Variants in NEDD4L observed in about 807,000 individuals in gnomAD.
NEDD4L encodes the protein NEDD4 like E3 ubiquitin protein ligase, also known as E3 ubiquitin-protein ligase NEDD4-like.
In NEDD4L, 54 loss-of-function variants were observed where a neutral mutation model predicts 148.9. That is an observed-to-expected ratio of 0.36 (90% confidence interval 0.29 to 0.45). NEDD4L has a LOEUF of 0.45. NEDD4L is among the 20% of genes least tolerant of loss of function. NEDD4L has a pLI of 1.00. For synonymous variants in NEDD4L, 433 were observed against 440.7 expected (o/e 0.98, Z 0.22); for missense variants, 856 against 1,233.8 (o/e 0.69, Z 4.59).
chr18:58,047,468 T>A, intron 1 of NEDD4L: 1 of 985,470 alleles, frequency 1.0e-6, no homozygotes, highest in Middle Eastern at 5.2e-4. Flanking sequence ...GCTTAGGTGC[T>A]GTTCCTTGCG....
chr18:58,207,268 T>C (rs1181452120), intron 2 of NEDD4L, among the ~76,000 whole-genome samples: 2 of 152,126 alleles, frequency 1.3e-5, no homozygotes, highest in Admixed American at 6.5e-5. Flanking sequence ...ACCAGAGTGC[T>C]GTGTGGGGAT....
At chr18:58,170,294 G>A (rs905590193) in intron 2 of NEDD4L, among the ~76,000 whole-genome samples, 4 of 152,040 alleles carry the variant, frequency 2.6e-5, no homozygotes, top group Non-Finnish European at 4.4e-5. Context: ...GCCCCTGCCC[G>A]CCTCATCACC....
intron 1 of NEDD4L, among the ~76,000 whole-genome samples, chr18:58,068,809 T>G (rs2082732767): frequency 6.6e-6 from 1 of 152,178 alleles, no homozygotes; most frequent in African/African-American, 2.4e-5. Context: ...TGGGGCAAAG[T>G]GGACCCTCCA....
At position 58,370,506 on chromosome 18, in the gene NEDD4L, A is replaced by G. The variant is rs77078423; in HGVS notation, c.2256+39A>G. On this transcript the variant is annotated intron_variant, in intron 23 of 30. Transcript: ENST00000400345. ...CGTCACACACTGGCCATCACCGGGC[A>G]CTCGTGTCTTATGAGAAGGTATTGG... is the stretch of plus-strand genomic sequence containing the variant. 1.0e-3 allele frequency: 1,369 copies of G among 1,345,268 alleles called. 22 individuals carry two copies. In the East Asian group the frequency reaches 0.029, roughly 28 times the overall value. 83.3% of individuals were successfully genotyped at this position (1,345,268 alleles called of 1,614,324 possible). A position where few individuals can be genotyped will look rare whatever the true frequency, so the allele number is the denominator to read the frequency against.
chr18:58,236,832 C>G (rs1018892511), intron 2 of NEDD4L, among the ~76,000 whole-genome samples: 2 of 152,006 alleles, frequency 1.3e-5, no homozygotes, highest in Non-Finnish European at 2.9e-5. Context: ...AAGACTAGCC[C>G]GACCAACATG....
chr18:58,318,776 C>T (rs1376705493), intron 6 of NEDD4L, among the ~76,000 whole-genome samples: 1 of 152,222 alleles, frequency 6.6e-6, no homozygotes, highest in Admixed American at 6.5e-5. Context: ...GCCTGTTGCA[C>T]CTTCCTCTTG....
chr18:58,120,195 C>T (rs1024598520), intron 1 of NEDD4L, among the ~76,000 whole-genome samples: 1 of 152,066 alleles, frequency 6.6e-6, no homozygotes, highest in Non-Finnish European at 1.5e-5. Context: ...AAATCCCTGT[C>T]GAGGCCAGAC....
rs113590486 is a variant in NEDD4L at position 58,070,593 on chromosome 18, C to G, written c.48+25885C>G. Among the ~76,000 whole-genome samples, 838 of 152,192 alleles carry G rather than the reference C, an allele frequency of 5.5e-3. 7 individuals are homozygous for G. Among genetic ancestry groups the G allele is most frequent in the African/African-American group, 0.019 (799 of 41,524 alleles). On this transcript the variant is annotated intron_variant, in intron 1 of 30. Coordinates refer to ENST00000400345, the MANE Select transcript of NEDD4L (RefSeq NM_001144967.3). ...TCTGAGCATTCTGAGAAGGCTCTAC[C>G]TTCTCTGCTGTGGCGATCTTGAGGC...
Position 58,165,769 on chromosome 18 carries a change from T to G in NEDD4L, c.49-19T>G. On this transcript the variant is annotated intron_variant, in intron 1 of 30. Transcript: ENST00000400345. ...GAAGATCAGGTTTTTAACCTCTTTT[T>G]TTGTTCTCCTTCTCACAGGGAGAGT... 4.4e-6 allele frequency: 7 copies of G among 1,603,518 alleles called. No individual in the cohort carries two copies. The highest frequency in any genetic ancestry group is 2.2e-5 in the South Asian group (2 of 89,214).
intron 2 of NEDD4L, chr18:58,221,409 G>A (rs2043752978): frequency 4.1e-6 from 1 of 245,440 alleles, no homozygotes; most frequent in Non-Finnish European, 6.5e-6. Context: ...ATAAGGCCCC[G>A]GGTGATGATG....
Position 58,044,287 on chromosome 18 carries a change from G to T in NEDD4L, c.-374G>T, listed in dbSNP as rs2081474017. On this transcript the variant is annotated 5_prime_UTR_variant, in exon 1 of 31. Transcript: ENST00000400345. ...GGCGAGCCGGGTCCCCGGGAGCGCAGAGGAGGCTCGGAGGGGGGCGGAGAG... is the reference window on the plus strand; with the variant it reads ...GGCGAGCCGGGTCCCCGGGAGCGCATAGGAGGCTCGGAGGGGGGCGGAGAG... 2 of 151,440 alleles carry T rather than the reference G, an allele frequency of 1.3e-5. No individual in the cohort carries two copies. Among genetic ancestry groups the T allele is most frequent in the East Asian group, 3.9e-4 (2 of 5,158 alleles). The allele number at this position is 151,440 out of a possible 1,614,324, so 9.4% of individuals were successfully genotyped here. A position where few individuals can be genotyped will look rare whatever the true frequency, so the allele number is the denominator to read the frequency against.
At chr18:58,378,300 G>A (rs887590271) in intron 24 of NEDD4L, among the ~76,000 whole-genome samples, 3 of 152,226 alleles carry the variant, frequency 2.0e-5, no homozygotes, top group African/African-American at 7.2e-5. Context: ...AGAGAGGTGG[G>A]CCACTGGCAG....
chr18:58,180,378 T>A (rs1287743806), intron 2 of NEDD4L, among the ~76,000 whole-genome samples: 2 of 151,674 alleles, frequency 1.3e-5, no homozygotes, highest in Non-Finnish European at 2.9e-5. Context: ...ACTTAGCACA[T>A]GGCGCTAAGA....
In NEDD4L at chr18:58,250,100, T is replaced by C. The variant is rs145259052; in HGVS notation, c.243+1163T>C. Among the ~76,000 whole-genome samples, 671 of 152,322 alleles carry C rather than the reference T, an allele frequency of 4.4e-3. 3 individuals are homozygous for C. The highest frequency in any genetic ancestry group is 0.014 in the African/African-American group (579 of 41,592). On this transcript the variant is annotated intron_variant, in intron 4 of 30. Coordinates refer to ENST00000400345, the MANE Select transcript of NEDD4L (RefSeq NM_001144967.3). ...AGCTAATCTTGGCAGTAGGCACATT[T>C]AAGTTCTATTTTTGTTAGTTTTTCT...
chr18:58,086,515 C>T (rs2083767247), intron 1 of NEDD4L, among the ~76,000 whole-genome samples: 1 of 152,094 alleles, frequency 6.6e-6, no homozygotes, highest in Admixed American at 6.6e-5. Flanking sequence ...GAAGACAAAC[C>T]TTTACTTTCC....
intron 1 of NEDD4L, among the ~76,000 whole-genome samples, chr18:58,159,060 G>A (rs1425297484): frequency 6.6e-6 from 1 of 152,098 alleles, no homozygotes; most frequent in Non-Finnish European, 1.5e-5. Flanking sequence ...TTTAGGAGGG[G>A]GTGGCAGCAA....
intron 11 of NEDD4L, among the ~76,000 whole-genome samples, chr18:58,331,307 A>T (rs2059768980): frequency 6.6e-6 from 1 of 152,248 alleles, no homozygotes; most frequent in Non-Finnish European, 1.5e-5. Flanking sequence ...AAAAGCCATC[A>T]GGCCTAATCA....
chr18:58,238,591 T>C (rs997777016), intron 2 of NEDD4L, among the ~76,000 whole-genome samples: 3 of 152,230 alleles, frequency 2.0e-5, no homozygotes, highest in African/African-American at 7.2e-5. Context: ...ATTTAATTGC[T>C]TCCCAATTAT....
chr18:58,110,721 C>T (rs553706111), intron 1 of NEDD4L, among the ~76,000 whole-genome samples: 4 of 152,334 alleles, frequency 2.6e-5, no homozygotes, highest in African/African-American at 9.6e-5. Context: ...TCTAGCCCTT[C>T]CTGACTCAAG....
Sources: allele counts gnomAD v4.1 joint callset (sites outside exome capture counted in the v4.1 genomes callset), GRCh38; gene constraint gnomAD v4.1.1; transcripts MANE v1.5; gene names NCBI Gene and HGNC (gene_info 2026-07-23, HGNC 2026-07-21).